The following SENP5 variants were observed in gnomAD, a reference collection of about 807,000 sequenced individuals.
SENP5 encodes the protein SUMO specific peptidase 5.
Under a neutral mutation model 74.2 loss-of-function variants are expected in SENP5, and 21 were observed. The observed-to-expected ratio is 0.28, with a 90% CI of 0.20 to 0.41. The LOEUF is 0.41. Ranked by LOEUF, SENP5 falls within the 10% of genes least tolerant of loss-of-function variation. SENP5 has a pLI of 1.00. For missense variants in SENP5, 717 were observed against 889.1 expected (o/e 0.81, Z 2.46); for synonymous variants, 311 against 312.7 (o/e 0.99, Z 0.06).
At chr3:196,920,689 A>G (rs901271416) in intron 6 of SENP5, among the ~76,000 whole-genome samples, 2 of 152,282 alleles carry the variant, frequency 1.3e-5, no homozygotes, top group South Asian at 4.1e-4. Flanking sequence ...AGAGTTTTTA[A>G]TCATAAGTAA....
rs116728763 is a variant in SENP5, at chr3:196,892,676, A to G, written c.1513+5982A>G. Among the ~76,000 whole-genome samples, 557 of 152,272 alleles carry G rather than the reference A, an allele frequency of 3.7e-3. 9 individuals are homozygous for G. Among genetic ancestry groups the G allele is most frequent in the African/African-American group, 0.013 (542 of 41,546 alleles). ...TCTCTAGGACCACTTCCTCCTGTCT[A>G]ACGGAAGCTTTATGACCCTTGACCA... On this transcript the variant is annotated intron_variant, in intron 2 of 9. Transcript: ENST00000323460.
intron 2 of SENP5, among the ~76,000 whole-genome samples, chr3:196,889,256 C>T (rs1417328547): frequency 1.3e-5 from 2 of 151,462 alleles, no homozygotes; most frequent in African/African-American, 4.8e-5. Flanking sequence ...GCCAGATTTC[C>T]CTACTGAGGT....
chr3:196,875,374 T>C (rs1041662330), intron 1 of SENP5, among the ~76,000 whole-genome samples: 1 of 152,240 alleles, frequency 6.6e-6, no homozygotes, highest in Admixed American at 6.5e-5. Context: ...TTTCTTCTGC[T>C]GTGGCCTTCT....
intron 2 of SENP5, among the ~76,000 whole-genome samples, chr3:196,899,424 T>G (rs1714603221): frequency 6.6e-6 from 1 of 152,202 alleles, no homozygotes; most frequent in Non-Finnish European, 1.5e-5. Context: ...TTCAGTAACT[T>G]AAAAATCTAA....
At chr3:196,905,768 T>C (rs1332118303) in intron 6 of SENP5, among the ~76,000 whole-genome samples, 1 of 152,112 alleles carries the variant, frequency 6.6e-6, no homozygotes, top group Non-Finnish European at 1.5e-5. Context: ...ACATAGGCGA[T>C]TGACTAAACC....
chr3:196,896,032 T>A (rs1046982173), intron 2 of SENP5, among the ~76,000 whole-genome samples: 1 of 152,190 alleles, frequency 6.6e-6, no homozygotes, highest in Non-Finnish European at 1.5e-5. Flanking sequence ...CTTTTTTAGT[T>A]GATCAGTTTA....
intron 2 of SENP5, among the ~76,000 whole-genome samples, chr3:196,887,111 G>C (rs953427545): frequency 6.6e-6 from 1 of 152,034 alleles, no homozygotes; most frequent in Non-Finnish European, 1.5e-5. Context: ...TTGCATTTTT[G>C]AGTTTTAAGT....
chr3:196,880,919 G>A (rs965368436), intron 1 of SENP5, among the ~76,000 whole-genome samples: 3 of 151,588 alleles, frequency 2.0e-5, no homozygotes, highest in Admixed American at 6.6e-5. Context: ...GGGATTACAG[G>A]CATGAGCCAC....
At chr3:196,911,056 A>T (rs1354257922) in intron 6 of SENP5, among the ~76,000 whole-genome samples, 5 of 152,194 alleles carry the variant, frequency 3.3e-5, no homozygotes, top group Admixed American at 6.5e-5. Context: ...TACACCTTAT[A>T]CAAAAATTAA....
chr3:196,880,638 C>CT (rs56188124), intron 1 of SENP5, among the ~76,000 whole-genome samples: 1,233 of 101,938 alleles, frequency 0.012, 44 homozygotes, highest in African/African-American at 0.04. Flanking sequence ...GCCAGTTATT[C>CT]TTTTTTTTTT....
intron 6 of SENP5, among the ~76,000 whole-genome samples, chr3:196,904,118 C>T (rs1303001296): frequency 6.6e-6 from 1 of 152,152 alleles, no homozygotes; most frequent in Non-Finnish European, 1.5e-5. Context: ...TTCCAAAAAC[C>T]ATGTACCTAA....
chr3:196,921,544 GAGA>G (rs1179781711), intron 6 of SENP5, among the ~76,000 whole-genome samples: 1 of 151,796 alleles, frequency 6.6e-6, no homozygotes, highest in African/African-American at 2.4e-5. Context: ...ATTACTTTTT[GAGA>G]AGAATATACA....
intron 2 of SENP5, among the ~76,000 whole-genome samples, chr3:196,894,415 C>T (rs906123892): frequency 6.6e-6 from 1 of 151,860 alleles, no homozygotes. Context: ...GAGCTACTGC[C>T]CCCGGCCTAA....
In SENP5 at chr3:196,899,974, A is replaced by G. The variant is rs1194913165; in HGVS notation, c.1670A>G (p.Lys557Arg). The change falls in exon 4 of 10, where the codon AAA becomes AGA. Residue 557 changes from lysine (K) to arginine (R), a missense_variant. This residue lies in a region of SENP5 where 64 missense variants were observed against 100.8 expected (regional missense o/e 0.64). Coordinates refer to ENST00000323460, the MANE Select transcript of SENP5 (RefSeq NM_152699.5). ...EITNYRARHQ[K>R]CNFRIFYNKH... Reference sequence around the variant, plus strand: ...ACAAACTATCGGGCCAGACATCAAAAATGTAACTTCCGTATCTTCTATAAT... The same window carrying G: ...ACAAACTATCGGGCCAGACATCAAAGATGTAACTTCCGTATCTTCTATAAT... 1.2e-6 allele frequency: 2 copies of G among 1,614,146 alleles called. No individual in the cohort carries two copies. Among genetic ancestry groups the G allele is most frequent in the Admixed American group, 3.3e-5 (2 of 60,020 alleles).
chr3:196,926,139 C>T lies in SENP5; in HGVS notation c.2023-1657C>T, dbSNP rs147602265. ...GAGATGCTCAGTACATTTTGAGTGC[C>T]GGTGACCATTTTTAAGGACAAATCC... On this transcript the variant is annotated intron_variant, in intron 7 of 9. Transcript: ENST00000323460. Among the ~76,000 whole-genome samples the T allele has an allele frequency of 1.5e-4, 23 of 152,224 alleles. No homozygotes were observed. In the East Asian group the frequency reaches 2.1e-3, roughly 14 times the overall value.
At chr3:196,908,550 G>A (rs770351603) in intron 6 of SENP5, among the ~76,000 whole-genome samples, 2 of 152,160 alleles carry the variant, frequency 1.3e-5, no homozygotes, top group Non-Finnish European at 2.9e-5. Context: ...GCGGCTGGGC[G>A]TGGTGACTCA....
intron 1 of SENP5, among the ~76,000 whole-genome samples, chr3:196,872,964 T>G (rs1428448749): frequency 2.7e-5 from 4 of 150,850 alleles, no homozygotes; most frequent in African/African-American, 4.9e-5. Flanking sequence ...ATCCTTTTAT[T>G]TTTAGCGTCA....
chr3:196,909,632 G>A (rs556036505), intron 6 of SENP5, among the ~76,000 whole-genome samples: 29 of 152,234 alleles, frequency 1.9e-4, no homozygotes, highest in Non-Finnish European at 3.2e-4. Context: ...AACATAATCC[G>A]TCATATAAAC....
At chr3:196,898,809 G>A (rs953096688) in intron 2 of SENP5, among the ~76,000 whole-genome samples, 2 of 152,090 alleles carry the variant, frequency 1.3e-5, no homozygotes, top group East Asian at 1.9e-4. Context: ...GATTCCATTC[G>A]AGACCATTCG....
Sources: allele counts gnomAD v4.1 joint callset (sites outside exome capture counted in the v4.1 genomes callset), GRCh38; gene constraint gnomAD v4.1.1; regional missense constraint gnomAD v4.1.1; transcripts MANE v1.5; gene names NCBI Gene and HGNC (gene_info 2026-07-23, HGNC 2026-07-21).